The following ARHGAP17 variants were observed in gnomAD, a reference collection of about 807,000 sequenced individuals.
ARHGAP17 encodes rho GTPase-activating protein 17.
In ARHGAP17, 57 loss-of-function variants were observed where a neutral mutation model predicts 99.5. The observed-to-expected ratio is 0.57, with a 90% CI of 0.46 to 0.71. ARHGAP17 has a LOEUF of 0.71. Among genes scored for constraint, ARHGAP17 ranks in the 30% least tolerant of loss-of-function variants. The probability of loss-of-function intolerance (pLI) is 0.00; values close to 1 mark genes in which losing one functional copy is unlikely to be tolerated. For missense variants in ARHGAP17, 1,000 were observed against 1,122.4 expected, an observed-to-expected ratio of 0.89 and a Z score of 1.56; for synonymous variants, 417 against 429.6, an observed-to-expected ratio of 0.97 and a Z score of 0.36.
chr16:24,922,672 T>C (rs2050746781), intron 19 of ARHGAP17, among the ~76,000 whole-genome samples: 2 of 149,102 alleles, frequency 1.3e-5, no homozygotes, highest in African/African-American at 2.5e-5. Context: ...TAGCTAACAT[T>C]AAAAAAAAAA....
At chr16:24,954,448 T>A (rs893516388) in intron 10 of ARHGAP17, among the ~76,000 whole-genome samples, 155 bp downstream of exon 10, 3 of 152,220 alleles carry the variant, frequency 2.0e-5, no homozygotes, top group Non-Finnish European at 4.4e-5. Context: ...ATATGGATCA[T>A]GGTGACAAAA....
chr16:24,966,347 C>T (rs1359346405), intron 6 of ARHGAP17, among the ~76,000 whole-genome samples: 5 of 151,888 alleles, frequency 3.3e-5, no homozygotes, highest in Non-Finnish European at 7.4e-5. Context: ...AAATAAAAAG[C>T]TGGGGCTGGT....
At position 24,929,393 on chromosome 16, in the gene ARHGAP17, A is replaced by G. The variant is rs551297847; in HGVS notation, c.2515+1391T>C. Among the ~76,000 whole-genome samples, 9 of 152,170 alleles carry G rather than the reference A, an allele frequency of 5.9e-5. No homozygotes were observed. The South Asian group carries it at 1.7e-3, about 28-fold the overall frequency. ...TCAGGCTCTTGATCTACTGACATCT[A>G]CTCCTCGAATTTGAAGCACTGCAGC... On this transcript the variant is annotated intron_variant, in intron 19 of 19. Coordinates refer to ENST00000289968, the MANE Select transcript of ARHGAP17 (RefSeq NM_001006634.3).
chr16:24,951,046 G>A (rs576633745), intron 12 of ARHGAP17, among the ~76,000 whole-genome samples: 5 of 152,184 alleles, frequency 3.3e-5, no homozygotes, highest in Admixed American at 2.6e-4. Flanking sequence ...CCTTAGTGGT[G>A]AGGAGTAGGC....
chr16:25,013,615 C>T (rs2053702319), intron 1 of ARHGAP17, among the ~76,000 whole-genome samples: 1 of 150,288 alleles, frequency 6.7e-6, no homozygotes, highest in African/African-American at 2.5e-5. Flanking sequence ...AAGGGAGACC[C>T]TGTCTCAAAA....
chr16:24,995,082 CCATGAGATCT>C (rs1430130263), intron 1 of ARHGAP17, among the ~76,000 whole-genome samples: 1 of 152,142 alleles, frequency 6.6e-6, no homozygotes, highest in East Asian at 1.9e-4. Context: ...ACTTATAAAA[CCATGAGATCT>C]CATGAGAACT....
chr16:24,939,013 G>A (rs957814354), intron 17 of ARHGAP17, among the ~76,000 whole-genome samples: 4 of 152,212 alleles, frequency 2.6e-5, no homozygotes, highest in East Asian at 1.9e-4. Context: ...AATGCTTCCT[G>A]GTTAGCACAC....
chr16:25,003,486 G>C (rs1050386924), intron 1 of ARHGAP17, among the ~76,000 whole-genome samples: 3 of 152,048 alleles, frequency 2.0e-5, no homozygotes. Context: ...AGTGCTGGGA[G>C]TATAGCCATG....
chr16:24,964,769 T>C (rs922763257), intron 6 of ARHGAP17, among the ~76,000 whole-genome samples: 2 of 152,312 alleles, frequency 1.3e-5, no homozygotes, highest in Non-Finnish European at 1.5e-5. Context: ...TACTACCATC[T>C]GTGACCTGGG....
At chr16:24,945,872 A>T (rs2051457482) in intron 14 of ARHGAP17, among the ~76,000 whole-genome samples, 1 of 152,222 alleles carries the variant, frequency 6.6e-6, no homozygotes, top group Admixed American at 6.5e-5. Context: ...GAACCTGGGC[A>T]CACCAGTTCC....
At chr16:25,009,119 A>G (rs1240645190) in intron 1 of ARHGAP17, among the ~76,000 whole-genome samples, 1 of 152,178 alleles carries the variant, frequency 6.6e-6, no homozygotes, top group African/African-American at 2.4e-5. Context: ...TAACCCCAGC[A>G]CTTTGGGAGG....
At chr16:24,971,676 A>T (rs1280315229) in intron 3 of ARHGAP17, among the ~76,000 whole-genome samples, 2 of 152,206 alleles carry the variant, frequency 1.3e-5, no homozygotes, top group Non-Finnish European at 2.9e-5. Flanking sequence ...GCTTTATTTA[A>T]ATACCTAAAA....
intron 19 of ARHGAP17, among the ~76,000 whole-genome samples, chr16:24,925,145 G>A (rs1253813047): frequency 6.6e-6 from 1 of 152,190 alleles, no homozygotes; most frequent in Non-Finnish European, 1.5e-5. Context: ...TTGGGAGGCA[G>A]AAGTGAGTGG....
intron 18 of ARHGAP17, among the ~76,000 whole-genome samples, chr16:24,933,425 T>A (rs76508491): frequency 6.6e-6 from 1 of 150,714 alleles, no homozygotes; most frequent in Non-Finnish European, 1.5e-5. Flanking sequence ...GAGGATGCAG[T>A]GAGCTATTAT....
chr16:24,968,482 T>C (rs1005786801), intron 5 of ARHGAP17, 55 bp from the exon 6 acceptor site: 1 of 1,598,040 alleles, frequency 6.3e-7, no homozygotes, highest in Non-Finnish European at 8.6e-7. Flanking sequence ...AGGTTAACCA[T>C]TTTAAAGTAT....
chr16:24,996,081 A>C (rs2141453633), intron 1 of ARHGAP17, among the ~76,000 whole-genome samples: 1 of 152,342 alleles, frequency 6.6e-6, no homozygotes, highest in Non-Finnish European at 1.5e-5. Context: ...GACTTAAAAA[A>C]AATTCCCAAC....
chr16:24,954,267 G>T (rs945979655), intron 10 of ARHGAP17, among the ~76,000 whole-genome samples: 1 of 152,166 alleles, frequency 6.6e-6, no homozygotes, highest in Non-Finnish European at 1.5e-5. Context: ...CCATTAGTGC[G>T]TCACGAAATC....
chr16:24,945,274 G>A (rs138214851), intron 14 of ARHGAP17, among the ~76,000 whole-genome samples: 3,393 of 151,420 alleles, frequency 0.022, 58 homozygotes, highest in Non-Finnish European at 0.035. Context: ...AGTGAGCCAT[G>A]ATCACACCAC....
At chr16:24,937,319 G>A (rs1002095629) in intron 17 of ARHGAP17, among the ~76,000 whole-genome samples, 4 of 151,990 alleles carry the variant, frequency 2.6e-5, no homozygotes, top group East Asian at 1.9e-4. Flanking sequence ...CTACTCCGGC[G>A]GCTGAGGCAG....
Sources: allele counts gnomAD v4.1 joint callset (sites outside exome capture counted in the v4.1 genomes callset), GRCh38; gene constraint gnomAD v4.1.1; transcripts MANE v1.5; gene names NCBI Gene and HGNC (gene_info 2026-07-23, HGNC 2026-07-21).